Variants in ITPKB observed in about 807,000 individuals in gnomAD.
ITPKB encodes the protein inositol-trisphosphate 3-kinase B.
In ITPKB, 13 loss-of-function variants were observed where a neutral mutation model predicts 69.4. That is an observed-to-expected ratio of 0.19 (90% CI 0.12 to 0.30). ITPKB has a LOEUF of 0.30. Among genes scored for constraint, ITPKB ranks in the 10% least tolerant of loss-of-function variants. The pLI is 1.00. For missense variants in ITPKB, 1,240 were observed against 1,250.5 expected (o/e 0.99, Z 0.13); for synonymous variants, 584 against 513.7 (o/e 1.14, Z -1.85).
chr1:226,664,524 A>G lies in ITPKB; in HGVS notation c.1933-15753T>C, dbSNP rs551400775. On this transcript the variant is annotated intron_variant, in intron 2 of 7. Coordinates refer to ENST00000429204, the MANE Select transcript of ITPKB (RefSeq NM_002221.4). ...GGGAGAAGGACTCCAGACTCTCACA[A>G]TGACCACGGCCTCTTGCAGGCTCAG... 1.1e-3 allele frequency among the ~76,000 whole-genome samples: 167 copies of G among 152,352 alleles called. 1 individual carries two copies. Among genetic ancestry groups the G allele is most frequent in the Middle Eastern group, 3.4e-3 (1 of 294 alleles).
intron 2 of ITPKB, among the ~76,000 whole-genome samples, chr1:226,722,869 T>C (rs3768410): frequency 0.59 from 89,056 of 151,810 alleles, 26,834 homozygotes; most frequent in East Asian, 0.79. Context: ...CTAGAAAAGG[T>C]TTGAATAGAT....
At chr1:226,727,727 A>G (rs963863976) in intron 2 of ITPKB, among the ~76,000 whole-genome samples, 1 of 151,772 alleles carries the variant, frequency 6.6e-6, no homozygotes, top group African/African-American at 2.4e-5. Context: ...TTGCACCCCC[A>G]CCCCTCAACG....
At chr1:226,711,442 A>AGTGTGT (rs57531406) in intron 2 of ITPKB, among the ~76,000 whole-genome samples, 70 of 102,358 alleles carry the variant, frequency 6.8e-4, no homozygotes, top group African/African-American at 2.7e-3. Flanking sequence ...AGAGAGAGAG[A>AGTGTGT]GTGTGTGTGT....
intron 2 of ITPKB, among the ~76,000 whole-genome samples, chr1:226,661,081 G>A (rs901228150): frequency 7.9e-5 from 12 of 152,218 alleles, no homozygotes; most frequent in African/African-American, 2.7e-4. Flanking sequence ...CCGAGCACCC[G>A]CAGAGTCCAT....
intron 2 of ITPKB, among the ~76,000 whole-genome samples, chr1:226,689,654 T>C (rs1031529309): frequency 1.3e-5 from 2 of 151,762 alleles, no homozygotes; most frequent in African/African-American, 4.8e-5. Context: ...CAGAGGTACA[T>C]GTACAGGTCA....
chr1:226,700,589 G>A (rs890679799), intron 2 of ITPKB, among the ~76,000 whole-genome samples: 2 of 150,904 alleles, frequency 1.3e-5, no homozygotes, highest in Admixed American at 6.6e-5. Flanking sequence ...TATGTGAGGC[G>A]CTTTACACAC....
intron 2 of ITPKB, among the ~76,000 whole-genome samples, chr1:226,670,442 A>G (rs1473544582): frequency 6.6e-6 from 1 of 152,232 alleles, no homozygotes; most frequent in Non-Finnish European, 1.5e-5. Flanking sequence ...TAATTATGCC[A>G]TTGTTTCTAA....
intron 2 of ITPKB, among the ~76,000 whole-genome samples, chr1:226,683,867 A>G (rs1656140782): frequency 6.6e-6 from 1 of 151,966 alleles, no homozygotes; most frequent in Non-Finnish European, 1.5e-5. Flanking sequence ...ATCTTACCAA[A>G]CTTCACTTTA....
At position 226,641,788 on chromosome 1, in the gene ITPKB, C is replaced by T. The variant is rs1668967031; in HGVS notation, c.2451+133G>A. The T allele has an allele frequency of 1.2e-6, 1 of 818,166 alleles. No individual in the cohort carries two copies. Among genetic ancestry groups the T allele is most frequent in the Non-Finnish European group, 1.9e-6 (1 of 516,002 alleles). 50.7% of individuals were successfully genotyped at this position (818,166 alleles called of 1,614,324 possible). On this transcript the variant is annotated intron_variant, in intron 5 of 7. Coordinates refer to ENST00000429204, the MANE Select transcript of ITPKB (RefSeq NM_002221.4). The surrounding 1 kb of genome is among the most constrained non-coding windows in gnomAD (Gnocchi z 4.6). ...AGGCTGATGTCTCCAAATGTCTGGCCTTGGGGCGGGCCACCCACATTCTGA... is the reference window on the plus strand; with the variant it reads ...AGGCTGATGTCTCCAAATGTCTGGCTTTGGGGCGGGCCACCCACATTCTGA...
In ITPKB at chr1:226,641,216, T is replaced by A. The variant is rs1455133843; in HGVS notation, c.2451+705A>T. 1.3e-5 allele frequency among the ~76,000 whole-genome samples: 2 copies of A among 152,128 alleles called. No individual in the cohort carries two copies. The highest frequency in any genetic ancestry group is 2.9e-5 in the Non-Finnish European group (2 of 68,036). ...CCCAATTTATTCTGGGGAAAGTAAATCAACATTTGAACATAATCATGTATA... is the reference window on the plus strand; with the variant it reads ...CCCAATTTATTCTGGGGAAAGTAAAACAACATTTGAACATAATCATGTATA... On this transcript the variant is annotated intron_variant, in intron 5 of 7. Transcript: ENST00000429204. The surrounding 1 kb of genome is among the most constrained non-coding windows in gnomAD (Gnocchi z 4.6).
In ITPKB at chr1:226,637,614, G is replaced by T; in HGVS notation, c.2625+65C>A. On this transcript the variant is annotated intron_variant, in intron 7 of 7. Coordinates refer to ENST00000429204, the MANE Select transcript of ITPKB (RefSeq NM_002221.4). This position sits in a 1 kb window ranked among gnomAD's most constrained non-coding sequence, Gnocchi z 4.3. ...GCCCGATGCCCCGGGCTTCTGGAAG[G>T]AGAAGGAGAAGGCCTGTTGGCACGC... 3 of 1,302,082 alleles carry T rather than the reference G, an allele frequency of 2.3e-6. No homozygotes were observed. Among genetic ancestry groups the T allele is most frequent in the Non-Finnish European group, 2.2e-6 (2 of 901,800 alleles). 80.7% of individuals were successfully genotyped at this position (1,302,082 alleles called of 1,614,324 possible).
chr1:226,678,491 G>C (rs535191442), intron 2 of ITPKB, among the ~76,000 whole-genome samples: 1 of 152,192 alleles, frequency 6.6e-6, no homozygotes, highest in African/African-American at 2.4e-5. Flanking sequence ...TTAGGAACAT[G>C]GTCTCTGGAG....
chr1:226,668,994 C>T (rs1317276611), intron 2 of ITPKB: 1 of 152,126 alleles, frequency 6.6e-6, no homozygotes, highest in Non-Finnish European at 1.5e-5. Flanking sequence ...GCATCATATA[C>T]ACAAAATTCA....
At chr1:226,733,779 T>C (rs1657664238) in intron 2 of ITPKB, among the ~76,000 whole-genome samples, 1 of 152,240 alleles carries the variant, frequency 6.6e-6, no homozygotes, top group African/African-American at 2.4e-5. Context: ...CTCTGGTTTC[T>C]CAAATGGCAT....
chr1:226,731,551 G>A (rs1244467505), intron 2 of ITPKB, among the ~76,000 whole-genome samples: 3 of 152,104 alleles, frequency 2.0e-5, no homozygotes. Flanking sequence ...CAATTACATA[G>A]TCACAGACAG....
chr1:226,721,146 C>T (rs1657229466), intron 2 of ITPKB, among the ~76,000 whole-genome samples: 2 of 151,024 alleles, frequency 1.3e-5, no homozygotes, highest in Non-Finnish European at 2.9e-5. Context: ...GAGTTCGAGC[C>T]CAACCTGACC....
At chr1:226,703,720 C>T (rs964410493) in intron 2 of ITPKB, among the ~76,000 whole-genome samples, 3 of 152,236 alleles carry the variant, frequency 2.0e-5, no homozygotes, top group African/African-American at 7.2e-5. Flanking sequence ...CTTGCGCTCC[C>T]CCAGGCGGGA....
chr1:226,639,432 C>T (rs377454838), intron 6 of ITPKB, 125 bp downstream of exon 6: 8 of 695,186 alleles, frequency 1.2e-5, no homozygotes, highest in African/African-American at 5.3e-5. Flanking sequence ...CAGAGCCCTA[C>T]GAACTCGGGC....
At chr1:226,682,165 C>A (rs900599494) in intron 2 of ITPKB, among the ~76,000 whole-genome samples, 8 of 147,574 alleles carry the variant, frequency 5.4e-5, no homozygotes, top group African/African-American at 1.3e-4. Flanking sequence ...TTGCCTGGGT[C>A]CCCCCCCGCC....
Sources: gnomAD v4.1 joint callset for allele counts (sites outside exome capture counted in the v4.1 genomes callset) on GRCh38, gnomAD v4.1.1 for gene constraint, Gnocchi (gnomAD v3.1) non-coding constraint, MANE v1.5 for transcripts, NCBI Gene and HGNC (gene_info 2026-07-23, HGNC 2026-07-21) for gene names.